The following ST6GALNAC3 variants were observed in gnomAD, a reference collection of about 807,000 sequenced individuals.
ST6GALNAC3 encodes ST6 N-acetylgalactosaminide alpha-2,6-sialyltransferase 3.
ST6GALNAC3 carries 25 observed loss-of-function variants against 32.7 expected under a neutral mutation model. The observed-to-expected ratio is 0.76, with a 90% confidence interval of 0.56 to 1.07. The LOEUF is 1.07. Among genes scored for constraint, ST6GALNAC3 ranks in the 50% least tolerant of loss-of-function variants. The pLI, the probability that ST6GALNAC3 is intolerant of heterozygous loss-of-function variation, is 0.00. For synonymous variants in ST6GALNAC3, 129 were observed against 133.1 expected, an observed-to-expected ratio of 0.97 and a Z score of 0.21; for missense variants, 355 against 382.4, an observed-to-expected ratio of 0.93 and a Z score of 0.60.
At chr1:76,171,201 GACAGCT>G (rs1652474789) in intron 1 of ST6GALNAC3, among the ~76,000 whole-genome samples, 1 of 151,918 alleles carries the variant, frequency 6.6e-6, no homozygotes, top group African/African-American at 2.4e-5. Context: ...ACTTGCAACT[GACAGCT>G]ACCTCCCACA....
chr1:76,180,414 G>A (rs1442648784), intron 1 of ST6GALNAC3, among the ~76,000 whole-genome samples: 1 of 152,106 alleles, frequency 6.6e-6, no homozygotes, highest in African/African-American at 2.4e-5. Context: ...TGTTGATGCC[G>A]ACGGGAGACA....
intron 3 of ST6GALNAC3, among the ~76,000 whole-genome samples, chr1:76,533,586 A>G (rs1052244096): frequency 1.4e-4 from 21 of 152,014 alleles, no homozygotes; most frequent in Non-Finnish European, 2.8e-4. Context: ...ATAGTTACCC[A>G]TATTTCTTCC....
intron 3 of ST6GALNAC3, among the ~76,000 whole-genome samples, chr1:76,624,764 T>A (rs2100715386): frequency 6.6e-6 from 1 of 151,884 alleles, no homozygotes; most frequent in Admixed American, 6.6e-5. Context: ...AATCATGGAG[T>A]TCTCCCCACA....
intron 1 of ST6GALNAC3, among the ~76,000 whole-genome samples, chr1:76,192,992 A>T (rs775234154): frequency 7.2e-5 from 11 of 152,160 alleles, no homozygotes; most frequent in Non-Finnish European, 1.5e-4. Context: ...TCTCTTAGTA[A>T]TTCTCAACAA....
At chr1:76,597,835 G>T (rs2783382) in intron 3 of ST6GALNAC3, among the ~76,000 whole-genome samples, 1,959 of 152,228 alleles carry the variant, frequency 0.013, 42 homozygotes, top group African/African-American at 0.045. Context: ...CATTCCTAAT[G>T]TGATGCTTTC....
rs544207457 is a variant in ST6GALNAC3, at chr1:76,621,087, G to A, written c.624-6365G>A. Among the ~76,000 whole-genome samples the A allele has an allele frequency of 8.5e-5, 13 of 152,130 alleles. No individual in the cohort carries two copies. The South Asian group carries it at 1.9e-3, about 22-fold the overall frequency. ...TGTACCATTTTACTTTTAAATGTACGTTTTTGAAAAGAACACAGTCGTTTC... is the reference window on the plus strand; with the variant it reads ...TGTACCATTTTACTTTTAAATGTACATTTTTGAAAAGAACACAGTCGTTTC... On this transcript the variant is annotated intron_variant, in intron 3 of 4. Transcript: ENST00000328299.
intron 3 of ST6GALNAC3, among the ~76,000 whole-genome samples, chr1:76,483,713 C>T (rs1659897085): frequency 6.6e-6 from 1 of 152,152 alleles, no homozygotes; most frequent in Admixed American, 6.5e-5. Context: ...TGTGCAGAAG[C>T]TCTTTAGTTT....
intron 1 of ST6GALNAC3, among the ~76,000 whole-genome samples, chr1:76,297,720 A>T (rs1019589569): frequency 2.2e-4 from 33 of 152,072 alleles, no homozygotes; most frequent in African/African-American, 6.5e-4. Context: ...TGTGTACGAG[A>T]CCTAGCATGA....
intron 3 of ST6GALNAC3, among the ~76,000 whole-genome samples, chr1:76,472,782 T>C (rs1659116943): frequency 6.6e-6 from 1 of 152,092 alleles, no homozygotes; most frequent in African/African-American, 2.4e-5. Flanking sequence ...AGACAGCAAG[T>C]TGAGACTACT....
intron 3 of ST6GALNAC3, among the ~76,000 whole-genome samples, chr1:76,593,471 G>A (rs768252359): frequency 1.1e-4 from 16 of 152,132 alleles, no homozygotes; most frequent in Non-Finnish European, 1.2e-4. Context: ...ATTTGCCTAA[G>A]ATAGAAAAGA....
rs542120991 is a variant in ST6GALNAC3 at position 76,190,427 on chromosome 1, T to C, written c.18+115543T>C. Among the ~76,000 whole-genome samples the C allele has an allele frequency of 3.2e-4, 49 of 152,258 alleles. 1 individual carries two copies. Among genetic ancestry groups the C allele is most frequent in the Non-Finnish European group, 1.2e-4 (8 of 68,004 alleles). ...ACGCCCAGATGCTGGAAGGATTTGG[T>C]TTACATTATATTGAAAAATAAAACA... On this transcript the variant is annotated intron_variant, in intron 1 of 4. Transcript: ENST00000328299.
At chr1:76,265,787 A>G (rs924555595) in intron 1 of ST6GALNAC3, among the ~76,000 whole-genome samples, 2 of 152,172 alleles carry the variant, frequency 1.3e-5, no homozygotes, top group African/African-American at 4.8e-5. Context: ...AGAACGTAGT[A>G]TTTTTTCATA....
chr1:76,571,032 T>C (rs1055040790), intron 3 of ST6GALNAC3, among the ~76,000 whole-genome samples: 4 of 152,098 alleles, frequency 2.6e-5, no homozygotes, highest in African/African-American at 9.7e-5. Flanking sequence ...AATTGCTCTT[T>C]GACTTATTTT....
intron 2 of ST6GALNAC3, among the ~76,000 whole-genome samples, chr1:76,319,037 C>T (rs1009472986): frequency 6.6e-6 from 1 of 152,236 alleles, no homozygotes; most frequent in East Asian, 1.9e-4. Context: ...AAGCAGCCTG[C>T]AGTTTATTTG....
chr1:76,240,744 C>A (rs936727397), intron 1 of ST6GALNAC3, among the ~76,000 whole-genome samples: 2 of 152,274 alleles, frequency 1.3e-5, no homozygotes, highest in African/African-American at 4.8e-5. Context: ...CGTGCACACA[C>A]ACAGAAACAA....
intron 2 of ST6GALNAC3, among the ~76,000 whole-genome samples, chr1:76,369,198 T>C (rs561755429): frequency 2.9e-4 from 44 of 152,208 alleles, no homozygotes; most frequent in South Asian, 1.0e-3. Context: ...GGCTCAGTTC[T>C]TGGGAAGACT....
At chr1:76,450,646 G>C (rs1454910431) in intron 3 of ST6GALNAC3, among the ~76,000 whole-genome samples, 1 of 152,080 alleles carries the variant, frequency 6.6e-6, no homozygotes, top group Non-Finnish European at 1.5e-5. Context: ...TGTCTAGAAG[G>C]GTTATTCCAA....
chr1:76,446,344 C>T (rs562208459), intron 3 of ST6GALNAC3, among the ~76,000 whole-genome samples: 1 of 152,112 alleles, frequency 6.6e-6, no homozygotes, highest in African/African-American at 2.4e-5. Context: ...ATCCTTATCA[C>T]CCAGCATGCA....
chr1:76,566,452 T>C (rs1371404695), intron 3 of ST6GALNAC3, among the ~76,000 whole-genome samples: 2 of 152,096 alleles, frequency 1.3e-5, no homozygotes, highest in African/African-American at 4.8e-5. Flanking sequence ...ACAATGGCCC[T>C]GCAGGTTCCT....
Sources: gnomAD v4.1 joint callset for allele counts (sites outside exome capture counted in the v4.1 genomes callset) on GRCh38, gnomAD v4.1.1 for gene constraint, MANE v1.5 for transcripts, NCBI Gene and HGNC (gene_info 2026-07-23, HGNC 2026-07-21) for gene names.